The following FHIT variants were observed in gnomAD, a reference collection of about 807,000 sequenced individuals.
The protein encoded by FHIT is bis(5'-adenosyl)-triphosphatase.
In FHIT, 19 loss-of-function variants were observed where a neutral mutation model predicts 17.9. The ratio of observed to expected loss-of-function variants is 1.06; its 90% confidence interval spans 0.74 to 1.56. The LOEUF (loss-of-function observed/expected upper bound fraction) is 1.56, where lower values mean the gene tolerates loss of function less well. Ranked by LOEUF, FHIT falls within the 40% of genes most tolerant of loss-of-function variation. FHIT has a pLI of 0.00. For missense variants in FHIT, 248 were observed against 189.2 expected (o/e 1.31, Z -1.82); for synonymous variants, 81 against 69.7 (o/e 1.16, Z -0.81).
chr3:59,758,513 T>C (rs777710643), intron 8 of FHIT, among the ~76,000 whole-genome samples: 5 of 152,144 alleles, frequency 3.3e-5, no homozygotes, highest in Non-Finnish European at 7.4e-5. Context: ...TGAGAGAAAC[T>C]TATTCCCTTT....
At chr3:59,857,327 C>CT in intron 8 of FHIT, among the ~76,000 whole-genome samples, 1 of 152,262 alleles carries the variant, frequency 6.6e-6, no homozygotes, top group Admixed American at 6.5e-5. Flanking sequence ...GTCACCGCAA[C>CT]TCTCTCCACT....
intron 7 of FHIT, among the ~76,000 whole-genome samples, chr3:60,003,605 C>A (rs1248686110): frequency 6.6e-6 from 1 of 152,022 alleles, no homozygotes; most frequent in Non-Finnish European, 1.5e-5. Context: ...AATAGCTAGG[C>A]ATGGTGGCTC....
chr3:61,183,529 T>C (rs956341038), intron 2 of FHIT, among the ~76,000 whole-genome samples: 2 of 152,222 alleles, frequency 1.3e-5, no homozygotes, highest in African/African-American at 2.4e-5. Context: ...AAATGCCTCC[T>C]TGTTACAAAC....
intron 4 of FHIT, among the ~76,000 whole-genome samples, chr3:60,802,604 TTTTTTTG>T (rs1330891485): frequency 2.0e-5 from 3 of 152,182 alleles, no homozygotes; most frequent in African/African-American, 4.8e-5. Context: ...TCAATATTTG[TTTTTTTG>T]TTTTTTGTTT....
chr3:60,028,970 T>C (rs1700867216), intron 5 of FHIT, among the ~76,000 whole-genome samples: 2 of 152,198 alleles, frequency 1.3e-5, no homozygotes, highest in African/African-American at 2.4e-5. Flanking sequence ...ACAGAAAAGA[T>C]GCCCCATCTG....
chr3:60,406,732 C>T (rs778564233), intron 5 of FHIT, among the ~76,000 whole-genome samples: 4 of 152,068 alleles, frequency 2.6e-5, no homozygotes, highest in Non-Finnish European at 5.9e-5. Flanking sequence ...TTTCCAGCAG[C>T]CCAACCATTC....
At chr3:61,038,960 T>C (rs1392451072) in intron 3 of FHIT, among the ~76,000 whole-genome samples, 3 of 152,184 alleles carry the variant, frequency 2.0e-5, no homozygotes, top group African/African-American at 4.8e-5. Context: ...TCAGGCTGCA[T>C]GCACATGAAG....
At chr3:60,575,525 AC>A (rs1306389887) in intron 4 of FHIT, among the ~76,000 whole-genome samples, 3 of 152,258 alleles carry the variant, frequency 2.0e-5, no homozygotes, top group African/African-American at 7.2e-5. Flanking sequence ...AGCAGAGGAA[AC>A]CCTTAATAGT....
chr3:59,805,251 A>C (rs1700151651), intron 8 of FHIT, among the ~76,000 whole-genome samples: 1 of 152,200 alleles, frequency 6.6e-6, no homozygotes, highest in Non-Finnish European at 1.5e-5. Context: ...CTTATCCCCA[A>C]GTTTTCTAAT....
intron 5 of FHIT, among the ~76,000 whole-genome samples, chr3:60,346,180 T>C (rs530724215): frequency 1.3e-5 from 2 of 152,298 alleles, no homozygotes; most frequent in Admixed American, 6.5e-5. Flanking sequence ...GCAATGTCCA[T>C]CAATTAATAT....
chr3:59,968,137 G>T (rs959960288), intron 7 of FHIT, among the ~76,000 whole-genome samples: 5 of 152,014 alleles, frequency 3.3e-5, no homozygotes, highest in Admixed American at 2.0e-4. Context: ...ATCTTTTTAG[G>T]GAGGCATTTT....
At chr3:61,189,356 C>A (rs2038635782) in intron 2 of FHIT, among the ~76,000 whole-genome samples, 1 of 152,068 alleles carries the variant, frequency 6.6e-6, no homozygotes, top group African/African-American at 2.4e-5. Flanking sequence ...GAATAAAATA[C>A]CTAGGAATCC....
chr3:61,098,185 G>C (rs1480222078), intron 2 of FHIT, among the ~76,000 whole-genome samples: 1 of 152,170 alleles, frequency 6.6e-6, no homozygotes, highest in African/African-American at 2.4e-5. Context: ...GCTTAACCCA[G>C]TACCATTTAT....
chr3:61,211,005 T>C (rs772271352), intron 1 of FHIT, among the ~76,000 whole-genome samples: 6 of 151,850 alleles, frequency 4.0e-5, no homozygotes, highest in Admixed American at 1.3e-4. Flanking sequence ...TATTTAAAAA[T>C]AAAAGTGGTG....
intron 1 of FHIT, among the ~76,000 whole-genome samples, chr3:61,231,885 T>A (rs1354677183): frequency 6.6e-6 from 1 of 152,226 alleles, no homozygotes; most frequent in Non-Finnish European, 1.5e-5. Context: ...TGCAGGAATG[T>A]GCCCTTATTT....
intron 4 of FHIT, among the ~76,000 whole-genome samples, chr3:60,762,287 A>T (rs1460066315): frequency 1.3e-5 from 2 of 152,114 alleles, no homozygotes; most frequent in East Asian, 1.9e-4. Context: ...CATCAAAAAG[A>T]TATCGGTTGA....
intron 5 of FHIT, among the ~76,000 whole-genome samples, chr3:60,021,689 A>T (rs149414407): frequency 1.1e-4 from 16 of 152,328 alleles, no homozygotes; most frequent in Admixed American, 3.9e-4. Flanking sequence ...AGGCCAAAAA[A>T]GTTTAACTGC....
chr3:60,166,454 G>A (rs1174462137), intron 5 of FHIT, among the ~76,000 whole-genome samples: 2 of 152,260 alleles, frequency 1.3e-5, no homozygotes, highest in South Asian at 2.1e-4. Flanking sequence ...TCCAATATGT[G>A]TTAAGTGCTC....
chr3:61,206,665 T>C (rs13321408), intron 1 of FHIT, among the ~76,000 whole-genome samples: 95 of 152,200 alleles, frequency 6.2e-4, no homozygotes, highest in African/African-American at 1.3e-3. Context: ...TGCACATTGA[T>C]TTTGTATCCT....
Sources: allele counts gnomAD v4.1 joint callset (sites outside exome capture counted in the v4.1 genomes callset), GRCh38; gene constraint gnomAD v4.1.1; transcripts MANE v1.5; gene names NCBI Gene and HGNC (gene_info 2026-07-23, HGNC 2026-07-21).